TMCO4: variants seen among roughly 807,000 people sequenced by gnomAD.
TMCO4 encodes transmembrane and coiled-coil domain-containing protein 4.
Under a neutral mutation model 64.7 loss-of-function variants are expected in TMCO4, and 58 were observed. That is an observed-to-expected ratio of 0.90 (90% CI 0.73 to 1.12). TMCO4 has a LOEUF of 1.12. Among genes scored for constraint, TMCO4 ranks in the 50% most tolerant of loss-of-function variants. TMCO4 has a pLI of 0.00. For synonymous variants in TMCO4, 325 were observed against 346.1 expected (o/e 0.94, Z 0.68); for missense variants, 780 against 825.9 (o/e 0.94, Z 0.68).
At chr1:19,790,142 C>T (rs2043958111) in intron 2 of TMCO4, among the ~76,000 whole-genome samples, 3 of 150,810 alleles carry the variant, frequency 2.0e-5, no homozygotes, top group Admixed American at 1.3e-4. Flanking sequence ...TGAAACTAGA[C>T]CCCTTCTTTA....
At chr1:19,794,181 G>A (rs922656714) in intron 2 of TMCO4, among the ~76,000 whole-genome samples, 1 of 152,050 alleles carries the variant, frequency 6.6e-6, no homozygotes, top group African/African-American at 2.4e-5. Flanking sequence ...TTATCCCCCA[G>A]ATAAGGACAC....
chr1:19,708,402 TAA>T (rs58397449), intron 13 of TMCO4, among the ~76,000 whole-genome samples: 8 of 132,324 alleles, frequency 6.0e-5, no homozygotes, highest in African/African-American at 1.6e-4. Context: ...AATACATAAA[TAA>T]AAAAAAAAAA....
chr1:19,740,394 T>C (rs2095473877), intron 11 of TMCO4, among the ~76,000 whole-genome samples: 2 of 152,194 alleles, frequency 1.3e-5, no homozygotes, highest in South Asian at 4.1e-4. Context: ...CCCAGGAGGA[T>C]GAGAGACAAA....
At chr1:19,752,318 C>G (rs1213568526) in intron 7 of TMCO4, among the ~76,000 whole-genome samples, 1 of 152,128 alleles carries the variant, frequency 6.6e-6, no homozygotes, top group Non-Finnish European at 1.5e-5. Flanking sequence ...CCCACACCGT[C>G]GTAGTCACGG....
At chr1:19,724,991 A>C (rs1570769809) in intron 13 of TMCO4, among the ~76,000 whole-genome samples, 1 of 152,012 alleles carries the variant, frequency 6.6e-6, no homozygotes, top group South Asian at 2.1e-4. Flanking sequence ...CAATCTCCTG[A>C]CCTCGTGATG....
At chr1:19,784,955 C>T (rs2043662948) in intron 3 of TMCO4, among the ~76,000 whole-genome samples, 1 of 151,982 alleles carries the variant, frequency 6.6e-6, no homozygotes, top group South Asian at 2.1e-4. Context: ...CTATATGTGG[C>T]CCACAGGCCG....
At chr1:19,796,453 G>T (rs979685255) in intron 2 of TMCO4, among the ~76,000 whole-genome samples, 1 of 152,132 alleles carries the variant, frequency 6.6e-6, no homozygotes, top group African/African-American at 2.4e-5. Context: ...GAGGGTCAGG[G>T]TGAGAGTGGA....
At chr1:19,706,630 TGA>T (rs1337073432) in intron 13 of TMCO4, among the ~76,000 whole-genome samples, 2 of 152,234 alleles carry the variant, frequency 1.3e-5, no homozygotes, top group African/African-American at 4.8e-5. Context: ...ATTTTTACTG[TGA>T]GAGCTGAAGG....
chr1:19,764,664 C>T (rs1459906996), intron 6 of TMCO4, among the ~76,000 whole-genome samples: 2 of 152,034 alleles, frequency 1.3e-5, no homozygotes, highest in African/African-American at 2.4e-5. Flanking sequence ...ACCAGCCTGA[C>T]CAACATGGAG....
intron 13 of TMCO4, among the ~76,000 whole-genome samples, chr1:19,735,121 G>A (rs1244693873): frequency 6.6e-6 from 1 of 152,116 alleles, no homozygotes; most frequent in East Asian, 1.9e-4. Flanking sequence ...TGTGAGGCTG[G>A]AGAGCGGACA....
chr1:19,791,724 A>G (rs2044048199), intron 2 of TMCO4, among the ~76,000 whole-genome samples: 1 of 152,336 alleles, frequency 6.6e-6, no homozygotes, highest in Non-Finnish European at 1.5e-5. Flanking sequence ...GGGTCACCTA[A>G]GACACACAGG....
At position 19,683,001 on chromosome 1, in the gene TMCO4, A is replaced by G; in HGVS notation, c.*39T>C. ...CCGAGGGTATAAGAGAGAGCTGCAT[A>G]TGGAGACTGGGGAAGACGGCTCAGG... On this transcript the variant is annotated 3_prime_UTR_variant, in exon 16 of 16. Transcript: ENST00000294543. 2.0e-6 allele frequency: 3 copies of G among 1,529,366 alleles called. No individual in the cohort carries two copies. The highest frequency in any genetic ancestry group is 2.6e-6 in the Non-Finnish European group (3 of 1,142,252). 94.7% of individuals were successfully genotyped at this position (1,529,366 alleles called of 1,614,324 possible). A position where few individuals can be genotyped will look rare whatever the true frequency, so the allele number is the denominator to read the frequency against.
chr1:19,683,292 T>C lies in TMCO4; in HGVS notation c.1653A>G (p.Ser551=), dbSNP rs140072058. Residue 551 remains serine (S), a synonymous_variant, in exon 16 of 16, where the codon TCA becomes TCG. Transcript: ENST00000294543. Reference sequence around the variant, plus strand: ...CAACCTGGTGGGGGGTCTCGCCTGATGAGGCGGCAGCTGCTGCCTGGCGAG... The same window carrying C: ...CAACCTGGTGGGGGGTCTCGCCTGACGAGGCGGCAGCTGCTGCCTGGCGAG... ...EEPRQAAAAA[S]SGETPHQVGQ... 810 of 1,614,134 alleles carry C rather than the reference T, an allele frequency of 5.0e-4. 6 individuals are homozygous for C. Among genetic ancestry groups the C allele is most frequent in the Middle Eastern group, 9.9e-4 (6 of 6,062 alleles).
chr1:19,747,011 G>T, intron 8 of TMCO4, 152 bp downstream of exon 8: 1 of 721,900 alleles, frequency 1.4e-6, no homozygotes, highest in Non-Finnish European at 2.4e-6. Flanking sequence ...TGACAGTGCT[G>T]ATGAGCACAC....
intron 13 of TMCO4, among the ~76,000 whole-genome samples, chr1:19,715,908 C>T (rs1415714268): frequency 6.6e-6 from 1 of 152,218 alleles, no homozygotes; most frequent in Non-Finnish European, 1.5e-5. Flanking sequence ...GGTCTGATCA[C>T]ATCCTAGAAA....
intron 13 of TMCO4, among the ~76,000 whole-genome samples, chr1:19,704,372 C>T (rs1266897778): frequency 1.3e-5 from 2 of 152,224 alleles, no homozygotes; most frequent in Non-Finnish European, 2.9e-5. Context: ...CGCGATTTCC[C>T]TTGGAAGACG....
chr1:19,799,559 C>T (rs915954426), intron 1 of TMCO4, among the ~76,000 whole-genome samples: 1 of 152,224 alleles, frequency 6.6e-6, no homozygotes, highest in African/African-American at 2.4e-5. Context: ...CCGGAGTCGC[C>T]CGAGTGCTCC....
chr1:19,757,156 T>TGGG (rs201093840), intron 6 of TMCO4, among the ~76,000 whole-genome samples: 56 of 102,316 alleles, frequency 5.5e-4, no homozygotes, highest in African/African-American at 1.9e-3. Flanking sequence ...CCAGGCGTGG[T>TGGG]GGCGGGGGGG....
intron 6 of TMCO4, among the ~76,000 whole-genome samples, chr1:19,762,904 C>T (rs2042567718): frequency 6.6e-6 from 1 of 152,186 alleles, no homozygotes; most frequent in Non-Finnish European, 1.5e-5. Flanking sequence ...GGGGGCTGCC[C>T]TCCAGACCAA....
Sources: allele counts gnomAD v4.1 joint callset (sites outside exome capture counted in the v4.1 genomes callset), GRCh38; gene constraint gnomAD v4.1.1; transcripts MANE v1.5; gene names NCBI Gene and HGNC (gene_info 2026-07-23, HGNC 2026-07-21).